PALLD: variants seen among roughly 807,000 people sequenced by gnomAD.
PALLD encodes palladin.
PALLD carries 61 observed loss-of-function variants against 123.5 expected under a neutral mutation model. The ratio of observed to expected loss-of-function variants is 0.49; its 90% confidence interval spans 0.40 to 0.61. PALLD has a LOEUF of 0.61. Among genes scored for constraint, PALLD ranks in the 20% least tolerant of loss-of-function variants. The pLI, the probability that PALLD is intolerant of heterozygous loss-of-function variation, is 0.00. For synonymous variants in PALLD, 465 were observed against 496.4 expected (o/e 0.94, Z 0.84); for missense variants, 1,273 against 1,377.0 (o/e 0.92, Z 1.20).
At chr4:168,865,862 A>C (rs774417597) in intron 10 of PALLD, among the ~76,000 whole-genome samples, 31 of 152,262 alleles carry the variant, frequency 2.0e-4, no homozygotes, top group Non-Finnish European at 4.6e-4. Context: ...ATATGAAAGA[A>C]AGACCGAGAA....
chr4:168,868,725 C>G (rs1027470678), intron 10 of PALLD, among the ~76,000 whole-genome samples: 2 of 152,212 alleles, frequency 1.3e-5, no homozygotes, highest in Non-Finnish European at 2.9e-5. Context: ...ACTTGCTACA[C>G]TACACAATGG....
At chr4:168,895,433 TTAAC>T (rs1357098496) in intron 12 of PALLD, among the ~76,000 whole-genome samples, 10 of 152,350 alleles carry the variant, frequency 6.6e-5, no homozygotes, top group Middle Eastern at 3.4e-3. Flanking sequence ...CTTCAAAAAC[TTAAC>T]TAACAGCCTA....
At chr4:168,861,932 A>C (rs1284889154) in intron 10 of PALLD, among the ~76,000 whole-genome samples, 2 of 152,174 alleles carry the variant, frequency 1.3e-5, no homozygotes, top group East Asian at 3.9e-4. Flanking sequence ...CTGGGATTAC[A>C]GGCATGAGCC....
intron 10 of PALLD, among the ~76,000 whole-genome samples, chr4:168,811,379 T>A (rs1741089390): frequency 6.6e-6 from 1 of 152,212 alleles, no homozygotes; most frequent in South Asian, 2.1e-4. Flanking sequence ...GATTAATATC[T>A]TGATTCTCTT....
At chr4:168,691,201 T>G (rs569233142) in intron 7 of PALLD, 68 bp from the exon 8 acceptor site, 1 of 1,170,190 alleles carries the variant, frequency 8.5e-7, no homozygotes, top group Admixed American at 1.7e-5. Context: ...ACAAGTAGGT[T>G]TTTTTTAATT....
chr4:168,723,603 C>T (rs1786241192), intron 10 of PALLD, among the ~76,000 whole-genome samples: 1 of 152,190 alleles, frequency 6.6e-6, no homozygotes, highest in Admixed American at 6.5e-5. Flanking sequence ...GCACTACGAA[C>T]CTCTGGATGC....
intron 10 of PALLD, among the ~76,000 whole-genome samples, chr4:168,743,044 T>C (rs1000201718): frequency 3.3e-5 from 5 of 152,172 alleles, no homozygotes; most frequent in African/African-American, 1.2e-4. Context: ...CCAGGAGCTA[T>C]AGACTAGAAT....
At chr4:168,567,946 GT>G (rs1768580321) in intron 2 of PALLD, among the ~76,000 whole-genome samples, 1 of 151,738 alleles carries the variant, frequency 6.6e-6, no homozygotes, top group African/African-American at 2.4e-5. Flanking sequence ...AATCTATAAA[GT>G]TTTTTAAAAA....
chr4:168,874,823 G>T (rs2151097858), intron 10 of PALLD, among the ~76,000 whole-genome samples: 1 of 152,274 alleles, frequency 6.6e-6, no homozygotes, highest in East Asian at 1.9e-4. Context: ...ACTGTGCCAG[G>T]TCTAGACGGT....
chr4:168,547,436 C>T (rs1766247155), intron 2 of PALLD, among the ~76,000 whole-genome samples: 1 of 151,496 alleles, frequency 6.6e-6, no homozygotes, highest in Non-Finnish European at 1.5e-5. Context: ...AGATCTCCTT[C>T]CAGGCCAGGC....
intron 2 of PALLD, among the ~76,000 whole-genome samples, chr4:168,568,953 T>C (rs1402707846): frequency 6.6e-6 from 1 of 151,924 alleles, no homozygotes; most frequent in Non-Finnish European, 1.5e-5. Flanking sequence ...ATCTTTTAGA[T>C]AGATGTGCCT....
In PALLD at chr4:168,799,675, A is replaced by G. The variant is rs1395671237; in HGVS notation, c.1964+87752A>G. On this transcript the variant is annotated intron_variant, in intron 10 of 21. Transcript: ENST00000505667. ...GCGAAAAGCATGTGTAAAATAATTG[A>G]CAATCAGCACTTCTGTTGGATAGAT... 2.0e-5 allele frequency among the ~76,000 whole-genome samples: 3 copies of G among 152,228 alleles called. No individual in the cohort carries two copies. In the East Asian group the frequency reaches 5.8e-4, roughly 29 times the overall value.
chr4:168,585,297 T>G (rs915104128), intron 2 of PALLD, among the ~76,000 whole-genome samples: 4 of 104,360 alleles, frequency 3.8e-5, no homozygotes. Flanking sequence ...AATATATGAG[T>G]GTGAGTGTGT....
intron 9 of PALLD, among the ~76,000 whole-genome samples, chr4:168,710,109 G>T (rs1225516106): frequency 6.6e-6 from 1 of 151,984 alleles, no homozygotes; most frequent in Non-Finnish European, 1.5e-5. Flanking sequence ...AGCTGTAAAG[G>T]CCTTCAAACT....
At chr4:168,874,649 A>T (rs958630064) in intron 10 of PALLD, among the ~76,000 whole-genome samples, 17 of 150,100 alleles carry the variant, frequency 1.1e-4, no homozygotes, top group African/African-American at 4.1e-4. Context: ...ATAGCCACAG[A>T]TTTTTTTTTT....
At chr4:168,583,909 C>T (rs1770544973) in intron 2 of PALLD, among the ~76,000 whole-genome samples, 1 of 152,142 alleles carries the variant, frequency 6.6e-6, no homozygotes, top group Non-Finnish European at 1.5e-5. Flanking sequence ...TTCCCCACCA[C>T]CAAGAAAGGC....
chr4:168,534,405 T>A (rs1010054020), intron 2 of PALLD, among the ~76,000 whole-genome samples: 2 of 152,232 alleles, frequency 1.3e-5, no homozygotes, highest in Non-Finnish European at 2.9e-5. Context: ...TGCCTTTCAA[T>A]CATTTGTCTG....
intron 2 of PALLD, among the ~76,000 whole-genome samples, chr4:168,523,826 T>A (rs1372742807): frequency 6.6e-6 from 1 of 152,218 alleles, no homozygotes; most frequent in East Asian, 1.9e-4. Context: ...AAATTGCCAT[T>A]TTCATGCTTG....
At chr4:168,761,318 C>T (rs183642989) in intron 10 of PALLD, among the ~76,000 whole-genome samples, 31 of 152,138 alleles carry the variant, frequency 2.0e-4, no homozygotes, top group African/African-American at 6.5e-4. Context: ...TCCTGTGGTC[C>T]GCTGTAGGGC....
Sources: allele counts gnomAD v4.1 joint callset (sites outside exome capture counted in the v4.1 genomes callset), GRCh38; gene constraint gnomAD v4.1.1; transcripts MANE v1.5; gene names NCBI Gene and HGNC (gene_info 2026-07-23, HGNC 2026-07-21).